Variants in PHEX observed in about 807,000 individuals in gnomAD.
PHEX encodes phosphate regulating endopeptidase X-linked.
In PHEX, 16 loss-of-function variants were observed where a neutral mutation model predicts 68.0. The ratio of observed to expected loss-of-function variants is 0.24; its 90% CI spans 0.16 to 0.36. The LOEUF is 0.36. Among genes scored for constraint, PHEX ranks in the 10% least tolerant of loss-of-function variants. The pLI is 1.00. For synonymous variants in PHEX, 208 were observed against 205.1 expected (o/e 1.01, Z -0.12); for missense variants, 480 against 575.5 (o/e 0.83, Z 1.70).
At chrX:22,224,306 G>A (rs1333416541) in intron 18 of PHEX, among the ~76,000 whole-genome samples, 1 of 111,753 alleles carries the variant, frequency 8.9e-6, no homozygotes, top group African/African-American at 3.3e-5. Context: ...TATTCAGAAA[G>A]TCGTTTCAGG....
At position 22,249,784 on chromosome X, in the gene PHEX, TA is replaced by T. The variant is rs1281548411; in HGVS notation, c.*1833del. On this transcript the variant is annotated 3_prime_UTR_variant, in exon 22 of 22. Coordinates refer to ENST00000379374, the MANE Select transcript of PHEX (RefSeq NM_000444.6). ...AGCATTCTGACTTGGTTTAGACATA[TA>T]AGATACTCTGTTTTATTCCTGGACT... The T allele has an allele frequency of 1.8e-5, 2 of 110,315 alleles. No homozygotes were observed. The highest frequency in any genetic ancestry group is 3.8e-5 in the Non-Finnish European group (2 of 52,927). The allele number at this position is 110,315 out of a possible 1,213,427, so 9.1% of individuals were successfully genotyped here.
intron 7 of PHEX, among the ~76,000 whole-genome samples, chrX:22,095,991 C>T: frequency 9.0e-6 from 1 of 111,399 alleles, no homozygotes. Context: ...GTGATTGGAA[C>T]CAAGTGGAGT....
intron 14 of PHEX, among the ~76,000 whole-genome samples, chrX:22,179,418 C>A (rs756210390): frequency 9.0e-6 from 1 of 111,040 alleles, no homozygotes; most frequent in African/African-American, 3.3e-5. Context: ...TCAGTGCACC[C>A]ATCACACGAG....
chrX:22,078,451 A>G (rs73635599), intron 5 of PHEX, among the ~76,000 whole-genome samples: 8,181 of 112,054 alleles, frequency 0.073, 443 homozygotes, highest in African/African-American at 0.19. Flanking sequence ...TACTTTGACT[A>G]ATAATGAAAA....
At chrX:22,109,883 A>G (rs1930879383) in intron 9 of PHEX, among the ~76,000 whole-genome samples, 1 of 112,239 alleles carries the variant, frequency 8.9e-6, no homozygotes, top group Non-Finnish European at 1.9e-5. Context: ...AGTGAAAGAC[A>G]AAACCCTAGA....
At chrX:22,222,554 T>G (rs1935304282) in intron 18 of PHEX, among the ~76,000 whole-genome samples, 1 of 111,842 alleles carries the variant, frequency 8.9e-6, no homozygotes, top group African/African-American at 3.3e-5. Context: ...ATAAAGCAAG[T>G]GCTCAATAAA....
At chrX:22,057,060 T>G (rs1928146287) in intron 3 of PHEX, among the ~76,000 whole-genome samples, 1 of 111,715 alleles carries the variant, frequency 9.0e-6, no homozygotes, top group Non-Finnish European at 1.9e-5. Flanking sequence ...AATCAGTAAT[T>G]GCATGTAGAA....
chrX:22,249,455 A>AAAAAAAAATATATATATATATATAT lies in PHEX; in HGVS notation c.*1503_*1504insAAAAAAATATATATATATATATATA. The AAAAAAAAATATATATATATATATAT allele has an allele frequency of 1.0e-4, 4 of 39,760 alleles. No homozygotes were observed. Among genetic ancestry groups the AAAAAAAAATATATATATATATATAT allele is most frequent in the Admixed American group, 2.6e-4 (1 of 3,803 alleles). The allele number at this position is 39,760 out of a possible 1,213,427, so 3.3% of individuals were successfully genotyped here. On this transcript the variant is annotated 3_prime_UTR_variant, in exon 22 of 22. Coordinates refer to ENST00000379374, the MANE Select transcript of PHEX (RefSeq NM_000444.6). ...TTGTGATTCTTTTAAAAAAAAAAAA[A>AAAAAAAAATATATATATATATATAT]ATATATATATATATATATATATATA...
Position 22,214,107 on chromosome X carries a change from C to A in PHEX, c.1700+1149C>A, listed in dbSNP as rs191314974. Among the ~76,000 whole-genome samples, 9 of 112,404 alleles carry A rather than the reference C, an allele frequency of 8.0e-5. No individual in the cohort carries two copies. In the Admixed American group the frequency reaches 8.5e-4, roughly 11 times the overall value. The stretch of plus-strand genomic sequence containing the variant: ...GGTCAGAAGTCCAAACTGGTTCTCA[C>A]TGGGCTAAAATCAAGTTGTCAGCAG... On this transcript the variant is annotated intron_variant, in intron 16 of 21. Coordinates refer to ENST00000379374, the MANE Select transcript of PHEX (RefSeq NM_000444.6).
intron 16 of PHEX, among the ~76,000 whole-genome samples, chrX:22,216,925 C>A (rs1174113288): frequency 8.9e-6 from 1 of 111,924 alleles, no homozygotes; most frequent in Non-Finnish European, 1.9e-5. Context: ...ATTACTTTTT[C>A]TTTGTCTCTT....
chrX:22,112,355 T>C, intron 10 of PHEX, among the ~76,000 whole-genome samples: 1 of 111,943 alleles, frequency 8.9e-6, no homozygotes. Flanking sequence ...ACTCTCACCT[T>C]TGTTTTTGAG....
chrX:22,128,714 C>G (rs1228566793), intron 11 of PHEX, among the ~76,000 whole-genome samples: 1 of 111,111 alleles, frequency 9.0e-6, no homozygotes, highest in African/African-American at 3.3e-5. Context: ...ACATATTCAA[C>G]TTTTTATTAT....
chrX:22,124,705 C>A (rs185052209), intron 11 of PHEX, among the ~76,000 whole-genome samples: 1,124 of 111,963 alleles, frequency 0.01, 9 homozygotes, highest in Non-Finnish European at 0.015. Flanking sequence ...AAAATTAGAA[C>A]ACAGCCTATA....
intron 12 of PHEX, among the ~76,000 whole-genome samples, chrX:22,139,191 G>A (rs5951505): frequency 0.071 from 7,907 of 111,433 alleles, 272 homozygotes; most frequent in South Asian, 0.13. Context: ...AAGAGCCACT[G>A]TGCCTAAAGT....
chrX:22,216,948 G>GTGAT (rs1295974457), intron 16 of PHEX, among the ~76,000 whole-genome samples: 2 of 112,294 alleles, frequency 1.8e-5, no homozygotes, highest in African/African-American at 3.2e-5. Flanking sequence ...CCAAAGGATT[G>GTGAT]TGATTAAGTA....
At chrX:22,222,201 C>G (rs776429599) in intron 18 of PHEX, among the ~76,000 whole-genome samples, 2 of 111,627 alleles carry the variant, frequency 1.8e-5, no homozygotes, top group African/African-American at 6.5e-5. Context: ...GTGTCCTGGA[C>G]AGCCATTTCT....
At chrX:22,135,661 G>A (rs1365234090) in intron 12 of PHEX, among the ~76,000 whole-genome samples, 2 of 111,757 alleles carry the variant, frequency 1.8e-5, no homozygotes, top group Admixed American at 9.5e-5. Flanking sequence ...GGCCCTTCTC[G>A]GCAAGTGGCC....
intron 3 of PHEX, among the ~76,000 whole-genome samples, chrX:22,050,169 C>T (rs1025054096): frequency 2.7e-5 from 3 of 112,515 alleles, no homozygotes; most frequent in African/African-American, 9.7e-5. Context: ...ATCCCTGATG[C>T]CTAGTATAAA....
chrX:22,169,001 C>T (rs1261604091), intron 13 of PHEX, among the ~76,000 whole-genome samples: 1 of 111,513 alleles, frequency 9.0e-6, no homozygotes, highest in Non-Finnish European at 1.9e-5. Flanking sequence ...ACTGTTATTT[C>T]CTCTCCTACA....
Sources: allele counts gnomAD v4.1 joint callset (sites outside exome capture counted in the v4.1 genomes callset), GRCh38; gene constraint gnomAD v4.1.1; transcripts MANE v1.5; gene names NCBI Gene and HGNC (gene_info 2026-07-23, HGNC 2026-07-21).